Variants in DPH7 observed in about 807,000 individuals in gnomAD.
The protein encoded by DPH7 is diphthine methyltransferase.
DPH7 carries 44 observed loss-of-function variants against 41.7 expected under a neutral mutation model. The ratio of observed to expected loss-of-function variants is 1.05; its 90% CI spans 0.83 to 1.36. The LOEUF (loss-of-function observed/expected upper bound fraction) is 1.36. Ranked by LOEUF, DPH7 falls within the 40% of genes most tolerant of loss-of-function variation. DPH7 has a pLI of 0.00. For missense variants in DPH7, 629 were observed against 577.5 expected (o/e 1.09, Z -0.91); for synonymous variants, 275 against 238.0 (o/e 1.16, Z -1.43).
intron 8 of DPH7, among the ~76,000 whole-genome samples, chr9:137,561,837 C>T (rs182315551): frequency 5.3e-5 from 8 of 152,230 alleles, no homozygotes; most frequent in South Asian, 4.2e-4. Context: ...CATAATTCTA[C>T]AGTTAGAGTT....
intron 8 of DPH7, among the ~76,000 whole-genome samples, chr9:137,557,471 C>T (rs1247000046): frequency 6.6e-6 from 1 of 151,872 alleles, no homozygotes; most frequent in Non-Finnish European, 1.5e-5. Context: ...TGCCACTGCA[C>T]TCCAGCCTGG....
rs1369075491 is a variant in DPH7, at chr9:137,554,941, A to C, written c.*298T>G. The C allele has an allele frequency of 3.0e-6, 1 of 332,016 alleles. No individual in the cohort carries two copies. Among genetic ancestry groups the C allele is most frequent in the African/African-American group, 2.1e-5 (1 of 47,326 alleles). The allele number at this position is 332,016 out of a possible 1,614,324, so 20.6% of individuals were successfully genotyped here. ...CTTCATTTAATACAAATAGTTGCTT[A>C]AACAAGTATGAAAGGCTGAAAGTCA... is the stretch of plus-strand genomic sequence containing the variant. On this transcript the variant is annotated 3_prime_UTR_variant, in exon 9 of 9. Coordinates refer to ENST00000277540, the MANE Select transcript of DPH7 (RefSeq NM_138778.5).
chr9:137,564,986 G>C (rs376677185), intron 6 of DPH7, 28 bp from the exon 7 acceptor site: 117 of 1,600,354 alleles, frequency 7.3e-5, no homozygotes, highest in Middle Eastern at 3.3e-4. Flanking sequence ...TTCTGAACCA[G>C]TGTCCAGCAC....
At chr9:137,564,687 G>T (rs1206033049) in intron 7 of DPH7, 81 bp from the exon 8 acceptor site, 27 of 1,546,162 alleles carry the variant, frequency 1.7e-5, no homozygotes, top group Non-Finnish European at 2.3e-5. Flanking sequence ...GGCACAGAAC[G>T]TCTCCCAGAG....
intron 8 of DPH7, among the ~76,000 whole-genome samples, chr9:137,563,454 C>T (rs988822557): frequency 4.1e-5 from 6 of 147,696 alleles, no homozygotes; most frequent in African/African-American, 1.5e-4. Flanking sequence ...ATCGCTAGAA[C>T]CCAGGAGGCG....
At chr9:137,576,270 C>A in intron 2 of DPH7, 103 bp from the exon 3 acceptor site, 1 of 989,992 alleles carries the variant, frequency 1.0e-6, no homozygotes, top group Non-Finnish European at 1.6e-6. Context: ...AACGGGGCTG[C>A]AGTCCACGCA....
At chr9:137,571,099 C>G (rs1010103757) in intron 5 of DPH7, among the ~76,000 whole-genome samples, 1 of 152,006 alleles carries the variant, frequency 6.6e-6, no homozygotes, top group East Asian at 1.9e-4. Context: ...TTAAGGCTGC[C>G]GTGACCTGTG....
chr9:137,559,200 C>A (rs562036760), intron 8 of DPH7, among the ~76,000 whole-genome samples: 1 of 151,894 alleles, frequency 6.6e-6, no homozygotes, highest in Non-Finnish European at 1.5e-5. Flanking sequence ...CCAGGCCATA[C>A]AGAGATAGGA....
intron 5 of DPH7, 176 bp from the exon 6 acceptor site, chr9:137,565,330 G>A (rs821319): frequency 1.7e-5 from 2 of 116,416 alleles, no homozygotes; most frequent in African/African-American, 1.5e-4. Flanking sequence ...GAAGCTCCCC[G>A]GGGTGACTGT....
chr9:137,565,108 GCCGGGTAC>G lies in DPH7; in HGVS notation c.679_686del (p.Val227GlnfsTer32). 6.2e-7 allele frequency: 1 copy of G among 1,614,032 alleles called. No individual in the cohort carries two copies. The highest frequency in any genetic ancestry group is 8.5e-7 in the Non-Finnish European group (1 of 1,180,012). On this transcript the variant is annotated frameshift_variant, in exon 6 of 9. Coordinates refer to ENST00000277540, the MANE Select transcript of DPH7 (RefSeq NM_138778.5). LOFTEE classifies it high-confidence loss of function. ...ACCTTTTGCTGGTGAAGAGAAATTT[GCCGGGTAC>G]CCTGGTGTCCCAGCCCCTCAGAAGG...
intron 3 of DPH7, chr9:137,575,873 G>A: frequency 1.4e-6 from 2 of 1,384,992 alleles, no homozygotes; most frequent in Non-Finnish European, 1.9e-6. Flanking sequence ...CCTTCTGCTG[G>A]TGACACATGA....
chr9:137,569,450 T>C (rs1309054251), intron 5 of DPH7, among the ~76,000 whole-genome samples: 10 of 86,328 alleles, frequency 1.2e-4, no homozygotes, highest in African/African-American at 3.3e-4. Context: ...AGCCAGCCAG[T>C]CACTCACCCA....
At chr9:137,577,795 T>C (rs1841684490) in intron 1 of DPH7, among the ~76,000 whole-genome samples, 192 bp from the exon 2 acceptor site, 1 of 152,182 alleles carries the variant, frequency 6.6e-6, no homozygotes, top group Non-Finnish European at 1.5e-5. Flanking sequence ...CTGGACCCAG[T>C]AGAGAAGGCT....
Position 137,574,337 on chromosome 9 carries a change from C to A in DPH7, c.511G>T (p.Gly171Trp). 6.2e-7 allele frequency: 1 copy of A among 1,614,198 alleles called. No homozygotes were observed. The highest frequency in any genetic ancestry group is 8.5e-7 in the Non-Finnish European group (1 of 1,180,044). Reference protein sequence around the residue: ...PLKIISSDSTGQLHLLMVNET... With the variant: ...PLKIISSDSTWQLHLLMVNET... ...TTCACCATCAGGAGGTGGAGCTGCC[C>A]TGTGGAGTCACTGCTGATGATCTTC... is the stretch of plus-strand genomic sequence containing the variant. The change falls in exon 5 of 9, where the codon GGG (glycine) becomes TGG (tryptophan). Residue 171 changes from glycine to tryptophan, a missense_variant. Physicochemically the swap from Gly to Trp is radical, Grantham distance 184. Coordinates refer to ENST00000277540, the MANE Select transcript of DPH7 (RefSeq NM_138778.5).
chr9:137,572,873 C>A (rs917230514), intron 5 of DPH7, among the ~76,000 whole-genome samples: 1 of 152,180 alleles, frequency 6.6e-6, no homozygotes, highest in Admixed American at 6.5e-5. Context: ...TCCAACATGG[C>A]GAAGTCACTA....
chr9:137,577,283 G>A (rs926252785), intron 2 of DPH7, among the ~76,000 whole-genome samples, 187 bp downstream of exon 2: 11 of 152,098 alleles, frequency 7.2e-5, no homozygotes, highest in African/African-American at 2.4e-4. Flanking sequence ...CACTTCCCCG[G>A]CTGGAACATG....
intron 8 of DPH7, among the ~76,000 whole-genome samples, chr9:137,557,696 G>A (rs1837759759): frequency 6.6e-6 from 1 of 151,948 alleles, no homozygotes; most frequent in African/African-American, 2.4e-5. Context: ...GCGCATGCCT[G>A]TAGTCCCAGC....
intron 8 of DPH7, among the ~76,000 whole-genome samples, chr9:137,557,486 A>G (rs1175123279): frequency 2.0e-5 from 3 of 149,838 alleles, no homozygotes; most frequent in Admixed American, 1.3e-4. Flanking sequence ...GCCTGGGTGA[A>G]AGAGCAAGAC....
rs760149598 is a variant in DPH7, at chr9:137,578,738, G to A, written c.40C>T (p.Leu14=). 15 of 1,526,828 alleles carry A rather than the reference G, an allele frequency of 9.8e-6. No individual in the cohort carries two copies. In the South Asian group the frequency reaches 1.3e-4, roughly 14 times the overall value. The allele number at this position is 1,526,828 out of a possible 1,614,324, so 94.6% of individuals were successfully genotyped here. The part of the protein sequence containing the change: ...CFALQTVDTE[L]TADSVEWCPL... ...CACCACTCCACCGAGTCCGCGGTCA[G>A]CTCGGTGTCCACCGTTTGCAGGGCG... Residue 14 remains leucine, a synonymous_variant, in exon 1 of 9, where the codon CTG becomes TTG. Coordinates refer to ENST00000277540, the MANE Select transcript of DPH7 (RefSeq NM_138778.5).
Sources: gnomAD v4.1 joint callset for allele counts (sites outside exome capture counted in the v4.1 genomes callset) on GRCh38, gnomAD v4.1.1 for gene constraint, MANE v1.5 for transcripts, NCBI Gene and HGNC (gene_info 2026-07-23, HGNC 2026-07-21) for gene names.